CLDN14: variants seen among roughly 807,000 people sequenced by gnomAD.
CLDN14 encodes the protein claudin 14, also known as claudin-14.
Under a neutral mutation model 2.1 loss-of-function variants are expected in CLDN14, and 2 were observed. The ratio of observed to expected loss-of-function variants is 0.96; its 90% CI spans 0.39 to 3.01. The LOEUF is 3.01. Among genes scored for constraint, CLDN14 ranks in the 30% most tolerant of loss-of-function variants. CLDN14 has a pLI of 0.09. For missense variants in CLDN14, 298 were observed against 328.0 expected (o/e 0.91, Z 0.71); for synonymous variants, 136 against 154.4 (o/e 0.88, Z 0.88).
chr21:36,553,443 C>A (rs559203647), intron 1 of CLDN14, among the ~76,000 whole-genome samples: 1 of 152,092 alleles, frequency 6.6e-6, no homozygotes, highest in Non-Finnish European at 1.5e-5. Flanking sequence ...TTGCAGTATA[C>A]GCCTTCCGGT....
At chr21:36,468,055 C>T (rs2086667898) in intron 1 of CLDN14, among the ~76,000 whole-genome samples, 1 of 152,160 alleles carries the variant, frequency 6.6e-6, no homozygotes, top group Non-Finnish European at 1.5e-5. Context: ...ATATGTTTGC[C>T]CTCAAATGCT....
intron 1 of CLDN14, among the ~76,000 whole-genome samples, chr21:36,568,560 C>A (rs1406499509): frequency 6.6e-6 from 1 of 152,154 alleles, no homozygotes. Flanking sequence ...GATGACAAAG[C>A]AAGATGTTAA....
chr21:36,527,428 ATGAAC>A (rs2087342141), intron 1 of CLDN14, among the ~76,000 whole-genome samples: 1 of 152,244 alleles, frequency 6.6e-6, no homozygotes, highest in Non-Finnish European at 1.5e-5. Flanking sequence ...CCTTCCATGC[ATGAAC>A]TGAAGTTCCC....
intron 1 of CLDN14, among the ~76,000 whole-genome samples, chr21:36,470,402 C>T (rs1025432168): frequency 9.2e-5 from 14 of 152,044 alleles, no homozygotes; most frequent in Admixed American, 1.3e-4. Context: ...GAGAGTGGAG[C>T]GAGAAGTTAC....
Position 36,523,783 on chromosome 21 carries a change from GAAAGAAAGAA to G in CLDN14, c.-219-13293_-219-13284del, listed in dbSNP as rs1347025338. ...AAAAAGAAAGAAAGAGAGAAAGAGA[GAAAGAAAGAA>G]AGAAAGAAAGAAAGAAAGAAAGAAA... is the stretch of plus-strand genomic sequence containing the variant. On this transcript the variant is annotated intron_variant, in intron 1 of 2. Coordinates refer to the CLDN14 transcript ENST00000342108. Among the ~76,000 whole-genome samples, 10 of 18,464 alleles carry G rather than the reference GAAAGAAAGAA, an allele frequency of 5.4e-4. 2 individuals carry two copies. Among genetic ancestry groups the G allele is most frequent in the Non-Finnish European group, 1.4e-3 (10 of 7,140 alleles). 12.1% of individuals were successfully genotyped at this position (18,464 alleles called of 152,430 possible).
intron 2 of CLDN14, among the ~76,000 whole-genome samples, chr21:36,505,013 G>A (rs1157507266): frequency 2.0e-5 from 3 of 152,134 alleles, no homozygotes; most frequent in Non-Finnish European, 4.4e-5. Flanking sequence ...TTTCCCTGCT[G>A]GGTGAGAATC....
intron 1 of CLDN14, among the ~76,000 whole-genome samples, chr21:36,574,537 CAG>C (rs964765391): frequency 1.1e-4 from 16 of 152,060 alleles, no homozygotes; most frequent in African/African-American, 3.9e-4. Flanking sequence ...CTACATAAAT[CAG>C]AAAGTGATGG....
At chr21:36,507,982 A>C (rs903648834) in intron 2 of CLDN14, among the ~76,000 whole-genome samples, 1 of 152,250 alleles carries the variant, frequency 6.6e-6, no homozygotes, top group African/African-American at 2.4e-5. Flanking sequence ...AAATAAAAAT[A>C]TACACACATA....
intron 2 of CLDN14, among the ~76,000 whole-genome samples, chr21:36,508,158 T>G (rs960170417): frequency 2.3e-4 from 35 of 152,176 alleles, no homozygotes; most frequent in African/African-American, 8.4e-4. Context: ...TTCTGCAAAA[T>G]GCACTGTTTA....
rs780148893 is a variant in CLDN14 at position 36,486,332 on chromosome 21, G to T, written c.-82+24031C>A. 4 of 828,852 alleles carry T rather than the reference G, an allele frequency of 4.8e-6. No homozygotes were observed. In the East Asian group the frequency reaches 9.7e-5, roughly 20 times the overall value. The allele number at this position is 828,852 out of a possible 1,614,324, so 51.3% of individuals were successfully genotyped here. A position where few individuals can be genotyped will look rare whatever the true frequency, so the allele number is the denominator to read the frequency against. ...TAATGGTCATCTTCAGCAGGACCTC[G>T]TCTGAGCCTTCAGTCCCAGTTGTAG... On this transcript the variant is annotated intron_variant, in intron 2 of 2. Transcript: ENST00000342108.
chr21:36,549,472 G>C (rs888093692), intron 1 of CLDN14, among the ~76,000 whole-genome samples: 5 of 152,228 alleles, frequency 3.3e-5, no homozygotes, highest in African/African-American at 1.2e-4. Context: ...CAACTGGCAG[G>C]TGTGCAGCTT....
intron 2 of CLDN14, among the ~76,000 whole-genome samples, chr21:36,502,605 T>C (rs2087100629): frequency 6.6e-6 from 1 of 152,228 alleles, no homozygotes; most frequent in South Asian, 2.1e-4. Context: ...CTTATTATGG[T>C]GTTCACTTCA....
At chr21:36,515,393 C>T (rs2087219246) in intron 1 of CLDN14, among the ~76,000 whole-genome samples, 1 of 152,082 alleles carries the variant, frequency 6.6e-6, no homozygotes, top group African/African-American at 2.4e-5. Flanking sequence ...AATGAAGTGG[C>T]CGGGCCTGGT....
upstream of CLDN14, among the ~76,000 whole-genome samples, chr21:36,482,328 A>G (rs1270404724): frequency 6.9e-6 from 1 of 144,026 alleles, no homozygotes; most frequent in African/African-American, 2.7e-5. Context: ...ATGTTTCAAT[A>G]GATGGATGGA....
chr21:36,522,069 A>G (rs949039186), intron 1 of CLDN14, among the ~76,000 whole-genome samples: 2 of 152,186 alleles, frequency 1.3e-5, no homozygotes, highest in East Asian at 1.9e-4. Flanking sequence ...TGCAACTCCA[A>G]GCAAAAATCT....
At chr21:36,492,484 C>G (rs1199611692) in intron 2 of CLDN14, among the ~76,000 whole-genome samples, 2 of 145,668 alleles carry the variant, frequency 1.4e-5, no homozygotes, top group East Asian at 3.9e-4. Context: ...AAATTAGCTG[C>G]AGGGCATGGT....
At chr21:36,542,086 T>C (rs755477720) in intron 1 of CLDN14, among the ~76,000 whole-genome samples, 4 of 152,118 alleles carry the variant, frequency 2.6e-5, no homozygotes, top group Admixed American at 6.5e-5. Flanking sequence ...GCCTCCCAAG[T>C]AGCTGTGATT....
chr21:36,481,628 C>T (rs183198930), upstream of CLDN14, among the ~76,000 whole-genome samples: 214 of 152,250 alleles, frequency 1.4e-3, 1 homozygote, highest in African/African-American at 4.0e-3. Context: ...ATGGACGTAA[C>T]GTTCTGTTTT....
At chr21:36,538,569 G>A (rs963536117) in intron 1 of CLDN14, among the ~76,000 whole-genome samples, 1 of 152,128 alleles carries the variant, frequency 6.6e-6, no homozygotes, top group Non-Finnish European at 1.5e-5. Flanking sequence ...AGCCGAGATC[G>A]CACCACTGCA....
Sources: allele counts gnomAD v4.1 joint callset (sites outside exome capture counted in the v4.1 genomes callset), GRCh38; gene constraint gnomAD v4.1.1; transcripts MANE v1.5; gene names NCBI Gene and HGNC (gene_info 2026-07-23, HGNC 2026-07-21).